The following DSN1 variants were observed in gnomAD, a reference collection of about 807,000 sequenced individuals.
DSN1 encodes the protein kinetochore-associated protein DSN1 homolog.
Under a neutral mutation model 45.7 loss-of-function variants are expected in DSN1, and 31 were observed. That is an observed-to-expected ratio of 0.68 (90% CI 0.51 to 0.92). The LOEUF (loss-of-function observed/expected upper bound fraction) is 0.92. Ranked by LOEUF, DSN1 falls within the 40% of genes least tolerant of loss-of-function variation. The probability of loss-of-function intolerance (pLI) is 0.00; values close to 1 mark genes in which losing one functional copy is unlikely to be tolerated. For missense variants in DSN1, 394 were observed against 414.2 expected, an observed-to-expected ratio of 0.95 and a Z score of 0.42; for synonymous variants, 134 against 142.3, an observed-to-expected ratio of 0.94 and a Z score of 0.41.
At chr20:36,765,844 A>G (rs1987296997) in intron 5 of DSN1, among the ~76,000 whole-genome samples, 2 of 145,730 alleles carry the variant, frequency 1.4e-5, no homozygotes, top group Admixed American at 1.4e-4. Context: ...GTAGCAAAAG[A>G]CTAAAAAAAA....
chr20:36,754,283 T>C (rs1986547759), intron 10 of DSN1, among the ~76,000 whole-genome samples: 1 of 152,054 alleles, frequency 6.6e-6, no homozygotes, highest in Admixed American at 6.6e-5. Context: ...TGCAGTGAGC[T>C]GTGCAGTCAT....
chr20:36,765,831 G>A (rs1283047280), intron 5 of DSN1, among the ~76,000 whole-genome samples: 3 of 139,760 alleles, frequency 2.1e-5, no homozygotes, highest in African/African-American at 5.4e-5. Context: ...ATTATTTACT[G>A]TAGTAGCAAA....
intron 3 of DSN1, 27 bp downstream of exon 3, chr20:36,770,846 C>T (rs758388245): frequency 6.3e-7 from 1 of 1,578,750 alleles, no homozygotes; most frequent in South Asian, 1.2e-5. Flanking sequence ...GCTGGAACCT[C>T]ACTGTCTTGT....
At chr20:36,765,553 G>A (rs1418371479) in intron 5 of DSN1, among the ~76,000 whole-genome samples, 1 of 151,760 alleles carries the variant, frequency 6.6e-6, no homozygotes, top group Non-Finnish European at 1.5e-5. Flanking sequence ...GCTCACGCCT[G>A]TAATCCTAGC....
At chr20:36,762,867 G>A (rs1205967713) in intron 5 of DSN1, among the ~76,000 whole-genome samples, 2 of 151,952 alleles carry the variant, frequency 1.3e-5, no homozygotes, top group South Asian at 2.1e-4. Flanking sequence ...TATAACCCCC[G>A]CCTCAGCCTC....
chr20:36,754,391 C>T (rs1172055188), intron 10 of DSN1, among the ~76,000 whole-genome samples: 1 of 151,852 alleles, frequency 6.6e-6, no homozygotes, highest in Non-Finnish European at 1.5e-5. Context: ...GTATGTATAG[C>T]CAATAATTTA....
chr20:36,772,807 G>A (rs1987720469), intron 1 of DSN1, among the ~76,000 whole-genome samples: 1 of 152,246 alleles, frequency 6.6e-6, no homozygotes, highest in Admixed American at 6.5e-5. Context: ...ATCTTTGGCA[G>A]AGTTGGTGGT....
intron 5 of DSN1, among the ~76,000 whole-genome samples, chr20:36,765,818 T>A: frequency 7.3e-6 from 1 of 136,968 alleles, no homozygotes; most frequent in African/African-American, 2.7e-5. Flanking sequence ...AAAAATTCAT[T>A]ACATTATTTA....
In DSN1 at chr20:36,758,070, C is replaced by G; in HGVS notation, c.725+17G>C. ...CCATAAGATTTTTAAAGAGTTTTTA[C>G]AGTTCATAGATCTAACCTGGACAAT... On this transcript the variant is annotated intron_variant, in intron 8 of 10. Transcript: ENST00000373750. The G allele has an allele frequency of 6.2e-7, 1 of 1,609,792 alleles. No homozygotes were observed. Among genetic ancestry groups the G allele is most frequent in the Non-Finnish European group, 8.5e-7 (1 of 1,176,784 alleles).
chr20:36,768,833 C>T (rs972667435), intron 3 of DSN1, among the ~76,000 whole-genome samples: 111 of 152,272 alleles, frequency 7.3e-4, no homozygotes, highest in African/African-American at 2.4e-3. Flanking sequence ...AACTGGAAAT[C>T]GGTGGAGCCA....
chr20:36,764,037 G>A (rs1275258750), intron 5 of DSN1, among the ~76,000 whole-genome samples: 1 of 151,750 alleles, frequency 6.6e-6, no homozygotes, highest in Admixed American at 6.6e-5. Flanking sequence ...AACACAGCAA[G>A]ACCCCATGTC....
At chr20:36,773,279 T>A in intron 1 of DSN1, 2 of 706,478 alleles carry the variant, frequency 2.8e-6, no homozygotes, top group Non-Finnish European at 3.5e-6. Flanking sequence ...TAACTCCACT[T>A]TGCAGACAGG....
Position 36,768,029 on chromosome 20 carries a change from A to G in DSN1, c.369T>C (p.Ser123=), listed in dbSNP as rs1568698255. The G allele has an allele frequency of 6.2e-7, 1 of 1,614,168 alleles. No individual in the cohort carries two copies. Among genetic ancestry groups the G allele is most frequent in the East Asian group, 2.2e-5 (1 of 44,886 alleles). Residue 123 remains serine (S), a synonymous_variant, in exon 4 of 11, where the codon TCT becomes TCC. Coordinates refer to ENST00000373750, the MANE Select transcript of DSN1 (RefSeq NM_001145315.2). ...TGCTTTCTGCTAAATCGACACTGAT[A>G]GACCGGCTGAGCTCTAACATAAAAC... ...IHQGITELSR[S]ISVDLAESKR...
chr20:36,758,076 A>G lies in DSN1; in HGVS notation c.725+11T>C. On this transcript the variant is annotated intron_variant, in intron 8 of 10. Transcript: ENST00000373750. ...GATTTTTAAAGAGTTTTTACAGTTC[A>G]TAGATCTAACCTGGACAATATCTCT... is the stretch of plus-strand genomic sequence containing the variant. 6.2e-7 allele frequency: 1 copy of G among 1,612,786 alleles called. No individual in the cohort carries two copies. Among genetic ancestry groups the G allele is most frequent in the East Asian group, 2.2e-5 (1 of 44,876 alleles).
chr20:36,764,083 T>A (rs1488910131), intron 5 of DSN1, among the ~76,000 whole-genome samples: 1 of 151,744 alleles, frequency 6.6e-6, no homozygotes, highest in East Asian at 1.9e-4. Context: ...TAGCTGGGTG[T>A]GGTGGCACAT....
rs1401239706 is a variant in DSN1 at position 36,758,139 on chromosome 20, A to T, written c.673T>A (p.Trp225Arg). 1 of 1,613,972 alleles carries T rather than the reference A, an allele frequency of 6.2e-7. No individual in the cohort carries two copies. Among genetic ancestry groups the T allele is most frequent in the African/African-American group, 1.3e-5 (1 of 74,942 alleles). Residue 225 changes from tryptophan to arginine, a missense_variant, in exon 8 of 11, where the codon TGG becomes AGG. Coordinates refer to ENST00000373750, the MANE Select transcript of DSN1 (RefSeq NM_001145315.2). ...ITKFSLERQT[W>R]DQLLLHYQQE... Reference sequence around the variant, plus strand: ...TGGTAGTGAAGCAAGAGCTGATCCCAAGTCTGACGTTCTAAAGAAAACCTG... The same window carrying T: ...TGGTAGTGAAGCAAGAGCTGATCCCTAGTCTGACGTTCTAAAGAAAACCTG...
intron 6 of DSN1, 55 bp from the exon 7 acceptor site, chr20:36,758,672 A>C: frequency 2.0e-6 from 3 of 1,472,212 alleles, no homozygotes; most frequent in Non-Finnish European, 2.8e-6. Flanking sequence ...TTGCTTTAAT[A>C]TAATCGCTTA....
At chr20:36,753,368 C>A (rs968389245) in intron 10 of DSN1, among the ~76,000 whole-genome samples, 1 of 150,412 alleles carries the variant, frequency 6.6e-6, no homozygotes, top group African/African-American at 2.4e-5. Context: ...GTGGCTCATG[C>A]CTGTAATCCC....
intron 10 of DSN1, 150 bp downstream of exon 10, chr20:36,754,613 C>T: frequency 1.8e-6 from 1 of 549,898 alleles, no homozygotes; most frequent in Non-Finnish European, 3.3e-6. Context: ...CTCTGAGTAC[C>T]CATAACATAC....
Sources: gnomAD v4.1 joint callset for allele counts (sites outside exome capture counted in the v4.1 genomes callset) on GRCh38, gnomAD v4.1.1 for gene constraint, MANE v1.5 for transcripts, NCBI Gene and HGNC (gene_info 2026-07-23, HGNC 2026-07-21) for gene names.